RIC1: variants seen among roughly 807,000 people sequenced by gnomAD.
The protein encoded by RIC1 is guanine nucleotide exchange factor subunit RIC1.
A neutral mutation model predicts 169.0 loss-of-function variants in RIC1; 88 were observed. That is an observed-to-expected ratio of 0.52 (90% CI 0.44 to 0.62). The LOEUF (loss-of-function observed/expected upper bound fraction) is 0.62. Ranked by LOEUF, RIC1 falls within the 20% of genes least tolerant of loss-of-function variation. The pLI, the probability that RIC1 is intolerant of heterozygous loss-of-function variation, is 0.00. For synonymous variants in RIC1, 790 were observed against 601.5 expected, an observed-to-expected ratio of 1.31 and a Z score of -4.59; for missense variants, 1,877 against 1,725.5, an observed-to-expected ratio of 1.09 and a Z score of -1.56.
At chr9:5,676,446 A>T (rs1350718943) in intron 2 of RIC1, among the ~76,000 whole-genome samples, 2 of 152,182 alleles carry the variant, frequency 1.3e-5, no homozygotes, top group Non-Finnish European at 2.9e-5. Context: ...ATTAAAATTA[A>T]TTTGTTATTC....
In RIC1 at chr9:5,756,381, C is replaced by G. The variant is rs758246389; in HGVS notation, c.1853+9C>G. The G allele has an allele frequency of 2.1e-6, 3 of 1,426,298 alleles. No homozygotes were observed. Among genetic ancestry groups the G allele is most frequent in the South Asian group, 1.7e-5 (1 of 58,662 alleles). The allele number at this position is 1,426,298 out of a possible 1,614,324, so 88.4% of individuals were successfully genotyped here. On this transcript the variant is annotated intron_variant, in intron 16 of 25. Coordinates refer to ENST00000414202, the MANE Select transcript of RIC1 (RefSeq NM_020829.4). Reference sequence around the variant, plus strand: ...GAAAGAAAATCTGATGGGTAAGTATCTGGCATATGAGAAGTCACTTTTTGC... The same window carrying G: ...GAAAGAAAATCTGATGGGTAAGTATGTGGCATATGAGAAGTCACTTTTTGC...
At chr9:5,727,765 A>G (rs1012319414) in intron 6 of RIC1, among the ~76,000 whole-genome samples, 5 of 152,224 alleles carry the variant, frequency 3.3e-5, no homozygotes, top group Admixed American at 2.0e-4. Flanking sequence ...TCTAACAGTC[A>G]GGACCCTCAG....
chr9:5,752,065 T>C lies in RIC1; in HGVS notation c.1453-1135T>C, dbSNP rs892209518. Among the ~76,000 whole-genome samples, 6 of 152,314 alleles carry C rather than the reference T, an allele frequency of 3.9e-5. No homozygotes were observed. In the South Asian group the frequency reaches 1.2e-3, roughly 32 times the overall value. ...TCCAACATGTGCTCATGAAAACTAATCAGCAGGCTAGAGAGATCAATCTCA... is the reference window on the plus strand; with the variant it reads ...TCCAACATGTGCTCATGAAAACTAACCAGCAGGCTAGAGAGATCAATCTCA... On this transcript the variant is annotated intron_variant, in intron 12 of 25. Transcript: ENST00000414202.
Position 5,713,539 on chromosome 9 carries a change from T to C in RIC1, c.333-357T>C, listed in dbSNP as rs188250631. ...CTGGGACAGATACTGTATAGAATGA[T>C]ACTTTTTTCCATAGTTGTCCACCTT... On this transcript the variant is annotated intron_variant, in intron 3 of 25. Coordinates refer to ENST00000414202, the MANE Select transcript of RIC1 (RefSeq NM_020829.4). 36 of 194,182 alleles carry C rather than the reference T, an allele frequency of 1.9e-4. No homozygotes were observed. In the East Asian group the frequency reaches 4.9e-3, roughly 27 times the overall value. The allele number at this position is 194,182 out of a possible 1,614,324, so 12.0% of individuals were successfully genotyped here.
At chr9:5,642,140 GA>G (rs1230660956) in intron 1 of RIC1, among the ~76,000 whole-genome samples, 2 of 145,300 alleles carry the variant, frequency 1.4e-5, no homozygotes, top group Non-Finnish European at 3.0e-5. Context: ...TGCAGACTCA[GA>G]GGTACTGCCT....
intron 2 of RIC1, among the ~76,000 whole-genome samples, chr9:5,682,922 C>A (rs1820948158): frequency 6.6e-6 from 1 of 151,994 alleles, no homozygotes; most frequent in African/African-American, 2.4e-5. Flanking sequence ...TTTCATCTTC[C>A]ATCGCTGATA....
Position 5,727,321 on chromosome 9 carries a change from G to A in RIC1, c.721-5067G>A, listed in dbSNP as rs189410869. 5.3e-5 allele frequency among the ~76,000 whole-genome samples: 8 copies of A among 150,404 alleles called. No homozygotes were observed. The East Asian group carries it at 5.8e-4, about 11-fold the overall frequency. On this transcript the variant is annotated intron_variant, in intron 6 of 25. Coordinates refer to ENST00000414202, the MANE Select transcript of RIC1 (RefSeq NM_020829.4). Reference sequence around the variant, plus strand: ...TCATTCATTTGATCTTCAATCATTCGATCAAATCGGCTACTGAAGCTTGTG... The same window carrying A: ...TCATTCATTTGATCTTCAATCATTCAATCAAATCGGCTACTGAAGCTTGTG...
intron 2 of RIC1, among the ~76,000 whole-genome samples, chr9:5,669,544 A>G (rs1344426748): frequency 6.6e-6 from 1 of 152,236 alleles, no homozygotes. Flanking sequence ...ATTGATGGGC[A>G]TTTGATTGTC....
intron 1 of RIC1, among the ~76,000 whole-genome samples, chr9:5,650,469 C>T (rs1444888353): frequency 6.6e-6 from 1 of 151,968 alleles, no homozygotes; most frequent in East Asian, 1.9e-4. Flanking sequence ...GAGAGCCTTG[C>T]CTCAGGGCAT....
At chr9:5,725,407 C>A (rs1017815939) in intron 6 of RIC1, among the ~76,000 whole-genome samples, 1 of 151,990 alleles carries the variant, frequency 6.6e-6, no homozygotes, top group African/African-American at 2.4e-5. Flanking sequence ...GGTGATATCC[C>A]CTTTATCATT....
At chr9:5,757,247 G>C in intron 16 of RIC1, 66 bp from the exon 17 acceptor site, 1 of 1,553,062 alleles carries the variant, frequency 6.4e-7, no homozygotes, top group African/African-American at 1.4e-5. Context: ...ACTATTACTA[G>C]TGGAAAAGAA....
At position 5,749,345 on chromosome 9, in the gene RIC1, C is replaced by T. The variant is rs117713052; in HGVS notation, c.1452+1840C>T. ...ACATGATTCAGTGCAGTTATGGTGG[C>T]GGTGTATAGGGCAGTATACAGTGTC... On this transcript the variant is annotated intron_variant, in intron 12 of 25. Transcript: ENST00000414202. 5.7e-4 allele frequency among the ~76,000 whole-genome samples: 87 copies of T among 152,244 alleles called. 1 individual carries two copies. The East Asian group carries it at 0.013, about 23-fold the overall frequency.
chr9:5,758,497 GT>G (rs1242849597), intron 17 of RIC1, among the ~76,000 whole-genome samples: 1 of 152,092 alleles, frequency 6.6e-6, no homozygotes, highest in African/African-American at 2.4e-5. Context: ...AATCAATTTT[GT>G]TACCTTCTAT....
chr9:5,660,044 T>G (rs1819354910), intron 2 of RIC1, among the ~76,000 whole-genome samples: 1 of 152,112 alleles, frequency 6.6e-6, no homozygotes, highest in South Asian at 2.1e-4. Flanking sequence ...GTATGTTGTT[T>G]CCCCCATGTG....
At position 5,772,937 on chromosome 9, in the gene RIC1, C is replaced by T. The variant is rs1827323266; in HGVS notation, c.3840C>T (p.Cys1280=). The change falls in exon 25 of 26, where the codon TGC becomes TGT. Residue 1280 remains cysteine, a synonymous_variant. Coordinates refer to ENST00000414202, the MANE Select transcript of RIC1 (RefSeq NM_020829.4). ...IFMEAGCLDW[C]IVIGLILRES... ...TGGAGGCAGGGTGCCTAGACTGGTG[C>T]ATCGTTATAGGCCTGATTCTTAGAG... 1 of 1,613,626 alleles carries T rather than the reference C, an allele frequency of 6.2e-7. No individual in the cohort carries two copies. Among genetic ancestry groups the T allele is most frequent in the Non-Finnish European group, 8.5e-7 (1 of 1,179,760 alleles).
intron 6 of RIC1, among the ~76,000 whole-genome samples, chr9:5,728,136 C>T (rs1218600485): frequency 6.6e-6 from 1 of 152,250 alleles, no homozygotes; most frequent in Non-Finnish European, 1.5e-5. Context: ...TACCCTGCCC[C>T]CAGAGGTGGA....
chr9:5,709,007 A>G (rs1822768419), intron 3 of RIC1, among the ~76,000 whole-genome samples: 1 of 152,084 alleles, frequency 6.6e-6, no homozygotes, highest in Admixed American at 6.6e-5. Flanking sequence ...GTTGAGTTTT[A>G]CAGGACAAAA....
At chr9:5,768,799 G>T (rs1249708637) in intron 21 of RIC1, among the ~76,000 whole-genome samples, 171 bp from the exon 22 acceptor site, 3 of 152,132 alleles carry the variant, frequency 2.0e-5, no homozygotes, top group Non-Finnish European at 2.9e-5. Context: ...TGTTCCGAGG[G>T]TTGTGGTGTA....
intron 1 of RIC1, among the ~76,000 whole-genome samples, chr9:5,640,489 G>C (rs536985340): frequency 6.6e-6 from 1 of 151,954 alleles, no homozygotes; most frequent in African/African-American, 2.4e-5. Context: ...AAAAGTTGTC[G>C]TTATTCTTTA....
Sources: allele counts gnomAD v4.1 joint callset (sites outside exome capture counted in the v4.1 genomes callset), GRCh38; gene constraint gnomAD v4.1.1; transcripts MANE v1.5; gene names NCBI Gene and HGNC (gene_info 2026-07-23, HGNC 2026-07-21).